Variants in ZDHHC6 observed in about 807,000 individuals in gnomAD.
ZDHHC6 encodes the protein zDHHC palmitoyltransferase 6, also known as palmitoyltransferase ZDHHC6.
Under a neutral mutation model 57.8 loss-of-function variants are expected in ZDHHC6, and 32 were observed. The observed-to-expected ratio is 0.55, with a 90% CI of 0.42 to 0.74. The LOEUF (loss-of-function observed/expected upper bound fraction) is 0.74, where lower values mean the gene tolerates loss of function less well. Ranked by LOEUF, ZDHHC6 falls within the 30% of genes least tolerant of loss-of-function variation. The pLI is 0.00. For missense variants in ZDHHC6, 433 were observed against 500.7 expected (o/e 0.86, Z 1.29); for synonymous variants, 128 against 158.0 (o/e 0.81, Z 1.42).
At chr10:112,432,118 A>G in intron 10 of ZDHHC6, 122 bp downstream of exon 10, 1 of 908,554 alleles carries the variant, frequency 1.1e-6, no homozygotes, top group Non-Finnish European at 1.6e-6. Context: ...GCTTAGTGAT[A>G]TACCCTTCTA....
intron 4 of ZDHHC6, 89 bp downstream of exon 4, chr10:112,442,103 A>G: frequency 1.5e-6 from 2 of 1,367,248 alleles, no homozygotes; most frequent in African/African-American, 2.9e-5. Context: ...CAGAAAGCAT[A>G]TTTCCAAAAG....
upstream of ZDHHC6, chr10:112,447,347 G>A (rs1293137103): frequency 3.8e-5 from 61 of 1,608,736 alleles, no homozygotes; most frequent in Non-Finnish European, 5.1e-5. Context: ...CTAGGCTTTG[G>A]CCTGGGCTAC....
chr10:112,425,586 T>G, downstream of ZDHHC6: 1 of 858,088 alleles, frequency 1.2e-6, no homozygotes, highest in East Asian at 3.3e-5. Flanking sequence ...AGATCCAAGC[T>G]TATAAAACTA....
upstream of ZDHHC6, chr10:112,447,342 C>A: frequency 6.2e-7 from 1 of 1,606,704 alleles, no homozygotes; most frequent in Non-Finnish European, 8.5e-7. Context: ...CTGACCTAGG[C>A]TTTGGCCTGG....
At chr10:112,443,728 G>T in intron 2 of ZDHHC6, 122 bp from the exon 3 acceptor site, 2 of 692,014 alleles carry the variant, frequency 2.9e-6, no homozygotes, top group South Asian at 4.1e-5. Flanking sequence ...TGCATTTCCA[G>T]TCCTCTTATT....
At chr10:112,440,831 A>C (rs1394494999) in intron 4 of ZDHHC6, 136 bp from the exon 5 acceptor site, 1 of 562,780 alleles carries the variant, frequency 1.8e-6, no homozygotes, top group Non-Finnish European at 2.6e-6. Context: ...AGCTATTTTT[A>C]TTTTATTTTA....
chr10:112,426,451 C>G, downstream of ZDHHC6: 8 of 1,084,740 alleles, frequency 7.4e-6, no homozygotes, highest in Non-Finnish European at 1.1e-5. Context: ...TCACAAGTGG[C>G]TGCAGCCCAA....
chr10:112,432,468 T>A lies in ZDHHC6; in HGVS notation c.999A>T (p.Lys333Asn). ...DYSGACCPLN[K>N]GIKTFFTSPC... ...GACTTGTGAAGAAGGTTTTGATTCC[T>A]TTATTCAGAGGGCAGCAGGCACCAC... The change falls in exon 9 of 11, where the codon AAA becomes AAT. Residue 333 changes from lysine to asparagine, a missense_variant. Physicochemically the swap from Lys to Asn is moderately conservative, Grantham distance 94. Transcript: ENST00000369405. 6.2e-7 allele frequency: 1 copy of A among 1,614,180 alleles called. No individual in the cohort carries two copies. The highest frequency in any genetic ancestry group is 2.2e-5 in the East Asian group (1 of 44,886).
chr10:112,438,305 T>C, intron 6 of ZDHHC6, 31 bp downstream of exon 6: 1 of 1,262,322 alleles, frequency 7.9e-7, no homozygotes, highest in Non-Finnish European at 1.1e-6. Context: ...TATACTTTTT[T>C]AATATTGAAG....
chr10:112,436,571 T>C lies in ZDHHC6; in HGVS notation c.735+1765A>G, dbSNP rs1845553290. Among the ~76,000 whole-genome samples the C allele has an allele frequency of 2.0e-5, 3 of 152,364 alleles. 1 individual carries two copies. The South Asian group carries it at 6.2e-4, about 32-fold the overall frequency. On this transcript the variant is annotated intron_variant, in intron 6 of 10. Coordinates refer to ENST00000369405, the MANE Select transcript of ZDHHC6 (RefSeq NM_022494.3). ...TACATCAGTGGTTCTCAAAGCATGC[T>C]TTATAGATCACTTTGAGTATTCAGG...
chr10:112,443,450 A>T, intron 3 of ZDHHC6, 65 bp downstream of exon 3: 1 of 1,382,958 alleles, frequency 7.2e-7, no homozygotes, highest in Non-Finnish European at 1.0e-6. Flanking sequence ...ATGTAGTATA[A>T]GCAACAATGA....
chr10:112,433,250 C>T lies in ZDHHC6; in HGVS notation c.935G>A (p.Arg312Lys). The T allele has an allele frequency of 1.3e-6, 2 of 1,591,732 alleles. No homozygotes were observed. Among genetic ancestry groups the T allele is most frequent in the Non-Finnish European group, 1.7e-6 (2 of 1,171,360 alleles). ...IEQLKQKADK[R>K]VRSVRYKVIE... ...AAAAGAAGTACTTACACTTCTGACTCTCTTATCTGCTTTTTGTTTCAACTG... is the reference window on the plus strand; with the variant it reads ...AAAAGAAGTACTTACACTTCTGACTTTCTTATCTGCTTTTTGTTTCAACTG... Residue 312 changes from arginine (R) to lysine (K), a missense_variant, in exon 8 of 11, where the codon AGA becomes AAA. Physicochemically the swap from Arg to Lys is conservative, Grantham distance 26. Transcript: ENST00000369405.
chr10:112,424,671 G>A (rs745809201), exon 12 of ZDHHC6: 2 of 152,172 alleles, frequency 1.3e-5, no homozygotes, highest in Admixed American at 1.3e-4. Context: ...TTAGTTAGTC[G>A]CCCTACTTAG....
rs767198238 is a variant in ZDHHC6 at position 112,434,395 on chromosome 10, A to C, written c.805T>G (p.Trp269Gly). 6.2e-7 allele frequency: 1 copy of C among 1,613,900 alleles called. No homozygotes were observed. The highest frequency in any genetic ancestry group is 1.3e-5 in the African/African-American group (1 of 74,930). ...FVFPYDMGSR[W>G]RNFKQVFTWS... The stretch of plus-strand genomic sequence containing the variant: ...GTAAATACCTGTTTAAAGTTCCTCC[A>C]TCTACTTCCCATATCATATGGAAAA... Residue 269 changes from tryptophan to glycine, a missense_variant, in exon 7 of 11, where the codon TGG (tryptophan) becomes GGG (glycine). Transcript: ENST00000369405.
Position 112,445,358 on chromosome 10 carries a change from C to T in ZDHHC6, c.79G>A (p.Ala27Thr). The change falls in exon 2 of 11, where the codon GCC becomes ACC. Residue 27 changes from alanine to threonine, a missense_variant. By Grantham distance (58) the Ala-to-Thr change is moderately conservative. Coordinates refer to ENST00000369405, the MANE Select transcript of ZDHHC6 (RefSeq NM_022494.3). ...KRLCHWGPIIALGVIAICSTM... is the reference protein window; with the variant it reads ...KRLCHWGPIITLGVIAICSTM... The stretch of plus-strand genomic sequence containing the variant: ...GAACATATTGCTATAACACCAAGGG[C>T]TATGATGGGACCCCAGTGACACAGT... 6.2e-7 allele frequency: 1 copy of T among 1,614,226 alleles called. No individual in the cohort carries two copies. Among genetic ancestry groups the T allele is most frequent in the Non-Finnish European group, 8.5e-7 (1 of 1,180,048 alleles).
At chr10:112,445,081 C>T (rs1846515507) in intron 2 of ZDHHC6, 89 bp downstream of exon 2, 2 of 1,414,568 alleles carry the variant, frequency 1.4e-6, no homozygotes, top group Non-Finnish European at 1.9e-6. Context: ...AAACAGTAGG[C>T]TGTGTTTGGT....
chr10:112,443,530 C>T lies in ZDHHC6; in HGVS notation c.344G>A (p.Cys115Tyr). 1 of 1,613,828 alleles carries T rather than the reference C, an allele frequency of 6.2e-7. No homozygotes were observed. Among genetic ancestry groups the T allele is most frequent in the Non-Finnish European group, 8.5e-7 (1 of 1,179,804 alleles). The change falls in exon 3 of 11, where the codon TGC becomes TAC. Residue 115 changes from cysteine to tyrosine, a missense_variant. By Grantham distance (194) the Cys-to-Tyr change is radical. Coordinates refer to ENST00000369405, the MANE Select transcript of ZDHHC6 (RefSeq NM_022494.3). The part of the protein sequence containing the change: ...QAYKAPRSHH[C>Y]RKCNRCVMKM... ...AGACAGGTACCTGTTACACTTTCTGCAGTGATGTGAACGTGGTGCCTTGTA... is the reference window on the plus strand; with the variant it reads ...AGACAGGTACCTGTTACACTTTCTGTAGTGATGTGAACGTGGTGCCTTGTA...
chr10:112,447,521 G>A (rs1365611582), upstream of ZDHHC6: 21 of 1,590,436 alleles, frequency 1.3e-5, no homozygotes, highest in Non-Finnish European at 6.9e-6. Context: ...GGAGGGTGCG[G>A]GCGGTGGAAC....
chr10:112,431,046 C>A, intron 10 of ZDHHC6, 139 bp from the exon 11 acceptor site: 2 of 681,378 alleles, frequency 2.9e-6, no homozygotes, highest in Non-Finnish European at 4.9e-6. Context: ...ATTATAAGCA[C>A]AGTTTGAAGG....
Sources: allele counts gnomAD v4.1 joint callset (sites outside exome capture counted in the v4.1 genomes callset), GRCh38; gene constraint gnomAD v4.1.1; transcripts MANE v1.5; gene names NCBI Gene and HGNC (gene_info 2026-07-23, HGNC 2026-07-21).